UGT1A4: variants seen among roughly 807,000 people sequenced by gnomAD.
UGT1A4 encodes the protein UDP glucuronosyltransferase family 1 member A4.
In UGT1A4, 32 loss-of-function variants were observed where a neutral mutation model predicts 41.1. That is an observed-to-expected ratio of 0.78 (90% CI 0.59 to 1.05). UGT1A4 has a LOEUF of 1.05. Among genes scored for constraint, UGT1A4 ranks in the 50% least tolerant of loss-of-function variants. UGT1A4 has a pLI of 0.00. For missense variants in UGT1A4, 748 were observed against 677.4 expected (o/e 1.10, Z -1.16); for synonymous variants, 283 against 265.1 (o/e 1.07, Z -0.66).
At chr2:233,727,339 C>T (rs2077606972) in intron 1 of UGT1A4, among the ~76,000 whole-genome samples, 2 of 152,160 alleles carry the variant, frequency 1.3e-5, no homozygotes, top group Admixed American at 6.5e-5. Flanking sequence ...TCCTCCCTCC[C>T]CATAGTTCTG....
chr2:233,761,232 A>G, intron 1 of UGT1A4: 1 of 1,613,036 alleles, frequency 6.2e-7, no homozygotes, highest in Non-Finnish European at 8.5e-7. Flanking sequence ...CCCCAGATAT[A>G]TGCTGAGCAA....
intron 1 of UGT1A4, among the ~76,000 whole-genome samples, chr2:233,739,207 A>C (rs1231996785): frequency 6.6e-6 from 1 of 152,240 alleles, no homozygotes; most frequent in African/African-American, 2.4e-5. Context: ...CGTTTGCTGC[A>C]TGGATAGAGT....
chr2:233,754,978 C>G, intron 1 of UGT1A4: 1 of 1,298,496 alleles, frequency 7.7e-7, no homozygotes, highest in Non-Finnish European at 1.0e-6. Context: ...CTGAAGACCT[C>G]GGCGGGGTCA....
At chr2:233,757,721 G>A (rs1696705329) in intron 1 of UGT1A4, among the ~76,000 whole-genome samples, 1 of 151,638 alleles carries the variant, frequency 6.6e-6, no homozygotes, top group Non-Finnish European at 1.5e-5. Flanking sequence ...GGAGGGTCCT[G>A]TAGATGATCT....
In UGT1A4 at chr2:233,772,261, G is replaced by A. The variant is rs1212085876; in HGVS notation, c.1308-1G>A. On this transcript the variant is annotated splice_acceptor_variant, in intron 4 of 4. Coordinates refer to ENST00000373409, the MANE Select transcript of UGT1A4 (RefSeq NM_007120.3). LOFTEE classifies it high-confidence loss of function. ...CATAACGAAACTGTCTTTGTGTTTA[G>A]TTACAAGGAGAACATCATGCGCCTC... The A allele has an allele frequency of 1.9e-5, 30 of 1,614,162 alleles. No homozygotes were observed. Among genetic ancestry groups the A allele is most frequent in the Non-Finnish European group, 2.5e-5 (30 of 1,180,064 alleles).
intron 1 of UGT1A4, among the ~76,000 whole-genome samples, chr2:233,738,182 G>A (rs913308909): frequency 7.9e-5 from 12 of 152,164 alleles, no homozygotes; most frequent in African/African-American, 2.9e-4. Flanking sequence ...TGTAAGACGT[G>A]TCTTTGCCTC....
At chr2:233,748,450 A>G (rs1693947199) in intron 1 of UGT1A4, among the ~76,000 whole-genome samples, 1 of 151,796 alleles carries the variant, frequency 6.6e-6, no homozygotes, top group South Asian at 2.1e-4. Flanking sequence ...CACAATTTTC[A>G]GGGGAAAGAT....
chr2:233,725,194 A>G (rs1187550502), intron 1 of UGT1A4, among the ~76,000 whole-genome samples: 1 of 93,184 alleles, frequency 1.1e-5, no homozygotes. Context: ...GCAGAGGCAG[A>G]GGCAGAGGCA....
rs570797148 is a variant in UGT1A4, at chr2:233,754,249, G to A, written c.868-12785G>A. The A allele has an allele frequency of 1.1e-3, 192 of 168,812 alleles. 1 individual carries two copies. The South Asian group carries it at 0.012, about 11-fold the overall frequency. 10.5% of individuals were successfully genotyped at this position (168,812 alleles called of 1,614,324 possible). A position where few individuals can be genotyped will look rare whatever the true frequency, so the allele number is the denominator to read the frequency against. On this transcript the variant is annotated intron_variant, in intron 1 of 4. Coordinates refer to ENST00000373409, the MANE Select transcript of UGT1A4 (RefSeq NM_007120.3). ...ACCACCTGGCTCACACTTTCCCAAC[G>A]GAAAAAGGTAAGGCTCAAAGTGCTG...
At chr2:233,770,089 T>C (rs2126050834) in intron 4 of UGT1A4, 1 of 153,022 alleles carries the variant, frequency 6.5e-6, no homozygotes, top group South Asian at 2.1e-4. Context: ...TTCAGTGGTA[T>C]AGATAACTAC....
intron 1 of UGT1A4, chr2:233,747,344 G>A (rs1693636128): frequency 6.2e-7 from 1 of 1,603,174 alleles, no homozygotes; most frequent in African/African-American, 1.3e-5. Context: ...TGGCTCGCAT[G>A]CGGGAGGCCG....
intron 1 of UGT1A4, among the ~76,000 whole-genome samples, chr2:233,725,317 C>CAGA (rs1559370683): frequency 2.7e-5 from 1 of 37,458 alleles, no homozygotes; most frequent in Admixed American, 2.3e-4. Flanking sequence ...GAGGCAGAGG[C>CAGA]GCCTGGTCAA....
rs1133495 is a variant in UGT1A4 at position 233,754,558 on chromosome 2, G to C, written c.868-12476G>C. On this transcript the variant is annotated intron_variant, in intron 1 of 4. Transcript: ENST00000373409. The stretch of plus-strand genomic sequence containing the variant: ...GGACTGGAATTACTTGGTGTCAATG[G>C]GGAGCAACTGCTCTATGCCGTTTAT... The C allele has an allele frequency of 1.8e-5, 7 of 391,006 alleles. No homozygotes were observed. In the East Asian group the frequency reaches 2.9e-4, roughly 16 times the overall value. The allele number at this position is 391,006 out of a possible 1,614,324, so 24.2% of individuals were successfully genotyped here. A position where few individuals can be genotyped will look rare whatever the true frequency, so the allele number is the denominator to read the frequency against.
Position 233,729,503 on chromosome 2 carries a change from G to A in UGT1A4, c.867+9816G>A, listed in dbSNP as rs1346769357. 1.4e-5 allele frequency: 22 copies of A among 1,614,052 alleles called. No individual in the cohort carries two copies. Among genetic ancestry groups the A allele is most frequent in the Non-Finnish European group, 1.8e-5 (21 of 1,180,050 alleles). Reference sequence around the variant, plus strand: ...AACAATATGTCTTTGGTCTATCATAGGTCTTGTGTGGAGCTACTACATAAT... The same window carrying A: ...AACAATATGTCTTTGGTCTATCATAAGTCTTGTGTGGAGCTACTACATAAT... On this transcript the variant is annotated intron_variant, in intron 1 of 4. Coordinates refer to ENST00000373409, the MANE Select transcript of UGT1A4 (RefSeq NM_007120.3).
At position 233,767,184 on chromosome 2, in the gene UGT1A4, A is replaced by T. The variant is rs1373599662; in HGVS notation, c.999+19A>T. 3.7e-6 allele frequency: 6 copies of T among 1,613,882 alleles called. No individual in the cohort carries two copies. Among genetic ancestry groups the T allele is most frequent in the Non-Finnish European group, 5.1e-6 (6 of 1,179,970 alleles). ...TCAGACAGTAAGAAGATTCTATACCATGGCCTCATATCTATTTTCACAGGA... is the reference window on the plus strand; with the variant it reads ...TCAGACAGTAAGAAGATTCTATACCTTGGCCTCATATCTATTTTCACAGGA... On this transcript the variant is annotated intron_variant, in intron 2 of 4. Coordinates refer to ENST00000373409, the MANE Select transcript of UGT1A4 (RefSeq NM_007120.3).
intron 1 of UGT1A4, chr2:233,722,085 C>T: frequency 4.6e-6 from 1 of 216,028 alleles, no homozygotes; most frequent in Non-Finnish European, 9.4e-6. Context: ...TTTCACAGAT[C>T]ACCTTAGGCC....
intron 1 of UGT1A4, among the ~76,000 whole-genome samples, chr2:233,731,010 G>A (rs17868337): frequency 0.016 from 2,364 of 152,256 alleles, 27 homozygotes; most frequent in Admixed American, 0.024. Flanking sequence ...CATGTACATC[G>A]TGAGAGAATC....
chr2:233,733,094 T>C (rs1220598340), intron 1 of UGT1A4, among the ~76,000 whole-genome samples: 7 of 152,326 alleles, frequency 4.6e-5, no homozygotes, highest in Non-Finnish European at 8.8e-5. Context: ...AGTTCACTCA[T>C]GGTTTGGCTC....
chr2:233,765,727 T>TA (rs1026006694), intron 1 of UGT1A4, among the ~76,000 whole-genome samples: 8 of 150,756 alleles, frequency 5.3e-5, no homozygotes, highest in Non-Finnish European at 1.0e-4. Context: ...ATAATAATAA[T>TA]AATAAATAAA....
Sources: gnomAD v4.1 joint callset for allele counts (sites outside exome capture counted in the v4.1 genomes callset) on GRCh38, gnomAD v4.1.1 for gene constraint, MANE v1.5 for transcripts, NCBI Gene and HGNC (gene_info 2026-07-23, HGNC 2026-07-21) for gene names.